DMXL1: variants seen among roughly 807,000 people sequenced by gnomAD.
The protein encoded by DMXL1 is Dmx like 1, also known as dmX-like protein 1.
In DMXL1, 99 loss-of-function variants were observed where a neutral mutation model predicts 319.2. That is an observed-to-expected ratio of 0.31 (90% CI 0.26 to 0.37). DMXL1 has a LOEUF of 0.37. Ranked by LOEUF, DMXL1 falls within the 10% of genes least tolerant of loss-of-function variation. The probability of loss-of-function intolerance (pLI) is 1.00; values close to 1 mark genes in which losing one functional copy is unlikely to be tolerated. For synonymous variants in DMXL1, 1,385 were observed against 1,235.2 expected (o/e 1.12, Z -2.54); for missense variants, 3,745 against 3,595.6 (o/e 1.04, Z -1.06).
chr5:119,086,424 A>G (rs921616389), intron 1 of DMXL1, among the ~76,000 whole-genome samples: 4 of 152,110 alleles, frequency 2.6e-5, no homozygotes, highest in African/African-American at 9.7e-5. Flanking sequence ...TGATCTTTTA[A>G]TGTGTTGTTC....
chr5:119,109,351 A>G (rs777012126), intron 4 of DMXL1, among the ~76,000 whole-genome samples: 5 of 152,176 alleles, frequency 3.3e-5, no homozygotes, highest in Non-Finnish European at 7.3e-5. Flanking sequence ...AGGCCTCTCC[A>G]TCTGTTGACT....
intron 13 of DMXL1, among the ~76,000 whole-genome samples, chr5:119,135,830 A>G (rs1025213999): frequency 6.6e-6 from 1 of 152,322 alleles, no homozygotes; most frequent in South Asian, 2.1e-4. Context: ...TTATTTATAA[A>G]TTACCCAGTC....
chr5:119,230,651 G>A (rs987829450), intron 38 of DMXL1, among the ~76,000 whole-genome samples: 1 of 152,162 alleles, frequency 6.6e-6, no homozygotes, highest in African/African-American at 2.4e-5. Flanking sequence ...GGGAGGCCAA[G>A]GCGGGCAGAT....
At chr5:119,109,920 G>C (rs538954917) in intron 4 of DMXL1, among the ~76,000 whole-genome samples, 4 of 152,238 alleles carry the variant, frequency 2.6e-5, no homozygotes, top group Admixed American at 2.6e-4. Flanking sequence ...CAGTGCCCGG[G>C]ACAAAGAAGA....
At chr5:119,100,654 C>T (rs1365761764) in intron 2 of DMXL1, 1 of 151,456 alleles carries the variant, frequency 6.6e-6, no homozygotes, top group Non-Finnish European at 1.5e-5. Context: ...TGGCTCAGAT[C>T]TGCCTTTTTA....
rs1321884853 is a variant in DMXL1, at chr5:119,098,058, G to T, written c.167G>T (p.Gly56Val). The T allele has an allele frequency of 6.2e-7, 1 of 1,608,588 alleles. No individual in the cohort carries two copies. The highest frequency in any genetic ancestry group is 2.2e-5 in the East Asian group (1 of 44,662). Residue 56 changes from glycine to valine, a missense_variant, in exon 2 of 44, where the codon GGA (glycine) becomes GTA (valine). Gly to Val is a moderately radical substitution (Grantham distance 109, BLOSUM62 -3). Coordinates refer to ENST00000539542, the MANE Select transcript of DMXL1 (RefSeq NM_001290321.3). The part of the protein sequence containing the change: ...RLQIIPGAKH[G>V]NIQVGCVDCS... ...CAGATAATCCCAGGAGCTAAACATGGAAATATTCAAGTGGGATGTGTAGAC... is the reference window on the plus strand; with the variant it reads ...CAGATAATCCCAGGAGCTAAACATGTAAATATTCAAGTGGGATGTGTAGAC...
chr5:119,110,509 A>G (rs565238523), intron 5 of DMXL1, among the ~76,000 whole-genome samples: 15 of 152,242 alleles, frequency 9.9e-5, no homozygotes, highest in African/African-American at 3.6e-4. Context: ...TAAGGCTTAC[A>G]TGAAGACCAT....
intron 18 of DMXL1, among the ~76,000 whole-genome samples, chr5:119,150,862 T>C (rs891940305): frequency 3.3e-5 from 5 of 151,840 alleles, no homozygotes; most frequent in South Asian, 4.2e-4. Context: ...TAACTTTTTT[T>C]CCCCCCGAGA....
chr5:119,214,990 TAGATGCC>T (rs1783429064), intron 34 of DMXL1, among the ~76,000 whole-genome samples: 1 of 152,186 alleles, frequency 6.6e-6, no homozygotes. Context: ...TAGTATACTT[TAGATGCC>T]AGGCAGATTG....
At chr5:119,198,037 G>A in intron 32 of DMXL1, 81 bp downstream of exon 32, 7 of 1,331,476 alleles carry the variant, frequency 5.3e-6, no homozygotes, top group Non-Finnish European at 6.4e-6. Context: ...CATCCGGGCT[G>A]GAGTGCAGTG....
In DMXL1 at chr5:119,110,152, C is replaced by G. The variant is rs191604911; in HGVS notation, c.366C>G (p.Gly122=). Residue 122 remains glycine (G), a splice_region_variant and synonymous_variant, in exon 5 of 44, where the codon GGC becomes GGG. Coordinates refer to ENST00000539542, the MANE Select transcript of DMXL1 (RefSeq NM_001290321.3). ...IAHNITWDPT[G]SRLLTGSSYL... ...AATGAGGAATAATATTTTTTTTAGG[C>G]AGTCGTCTTTTAACTGGTTCCAGCT... The G allele has an allele frequency of 5.2e-5, 83 of 1,588,906 alleles. No homozygotes were observed. Among genetic ancestry groups the G allele is most frequent in the Non-Finnish European group, 6.5e-5 (76 of 1,171,054 alleles).
intron 1 of DMXL1, among the ~76,000 whole-genome samples, chr5:119,094,615 A>G (rs952926846): frequency 1.3e-5 from 2 of 152,218 alleles, no homozygotes; most frequent in African/African-American, 2.4e-5. Flanking sequence ...AAGTTATTTC[A>G]TAAGGCTATA....
intron 37 of DMXL1, among the ~76,000 whole-genome samples, chr5:119,222,569 A>G (rs1400537275): frequency 1.3e-5 from 2 of 152,242 alleles, no homozygotes; most frequent in African/African-American, 4.8e-5. Context: ...AGATTACAAT[A>G]TAGTTCTTCC....
At chr5:119,153,452 T>C (rs1412723967) in intron 19 of DMXL1, among the ~76,000 whole-genome samples, 1 of 152,218 alleles carries the variant, frequency 6.6e-6, no homozygotes, top group Non-Finnish European at 1.5e-5. Flanking sequence ...TGAAATGTAC[T>C]CTCTTAGCAA....
At chr5:119,168,655 C>G (rs939032854) in intron 23 of DMXL1, among the ~76,000 whole-genome samples, 1 of 152,044 alleles carries the variant, frequency 6.6e-6, no homozygotes, top group Non-Finnish European at 1.5e-5. Context: ...TCAAACTAGC[C>G]TCTATGTAAT....
At chr5:119,171,638 C>A (rs1253541308) in intron 24 of DMXL1, 140 bp from the exon 25 acceptor site, 1 of 635,440 alleles carries the variant, frequency 1.6e-6, no homozygotes, top group South Asian at 3.5e-5. Flanking sequence ...GACTTCTTCA[C>A]ATCCCTTCTA....
intron 14 of DMXL1, among the ~76,000 whole-genome samples, 195 bp downstream of exon 14, chr5:119,144,125 C>T (rs1045473417): frequency 6.6e-6 from 1 of 151,614 alleles, no homozygotes; most frequent in Non-Finnish European, 1.5e-5. Context: ...AACAAATTAT[C>T]CTCATTACTA....
chr5:119,106,788 G>C lies in DMXL1; in HGVS notation c.364+1530G>C, dbSNP rs116924872. ...AACTTATTTCAATGCCTTTTCCATA[G>C]TAGGTGTTCAATTAATATTAAATGA... On this transcript the variant is annotated intron_variant, in intron 4 of 43. Transcript: ENST00000539542. Among the ~76,000 whole-genome samples, 1,324 of 152,294 alleles carry C rather than the reference G, an allele frequency of 8.7e-3. 16 individuals are homozygous for C. The highest frequency in any genetic ancestry group is 0.027 in the South Asian group (132 of 4,826).
chr5:119,182,291 G>T (rs980312650), intron 28 of DMXL1, among the ~76,000 whole-genome samples: 1 of 152,106 alleles, frequency 6.6e-6, no homozygotes, highest in South Asian at 2.1e-4. Flanking sequence ...GACAAATCTA[G>T]AATATTTCAT....
Sources: allele counts gnomAD v4.1 joint callset (sites outside exome capture counted in the v4.1 genomes callset), GRCh38; gene constraint gnomAD v4.1.1; transcripts MANE v1.5; gene names NCBI Gene and HGNC (gene_info 2026-07-23, HGNC 2026-07-21).